Variants in SDAD1 observed in about 807,000 individuals in gnomAD.
SDAD1 encodes the protein protein SDA1 homolog.
In SDAD1, 79 loss-of-function variants were observed where a neutral mutation model predicts 100.3. The ratio of observed to expected loss-of-function variants is 0.79; its 90% CI spans 0.66 to 0.95. SDAD1 has a LOEUF of 0.95. Among genes scored for constraint, SDAD1 ranks in the 40% least tolerant of loss-of-function variants. The pLI, the probability that SDAD1 is intolerant of heterozygous loss-of-function variation, is 0.00. For missense variants in SDAD1, 790 were observed against 810.9 expected (o/e 0.97, Z 0.31); for synonymous variants, 267 against 271.4 (o/e 0.98, Z 0.16).
intron 4 of SDAD1, among the ~76,000 whole-genome samples, chr4:75,976,644 G>C (rs977615416): frequency 2.0e-5 from 3 of 152,120 alleles, no homozygotes; most frequent in Admixed American, 1.3e-4. Flanking sequence ...ATTGTTTGCA[G>C]TGATGGTTGT....
At chr4:75,966,131 T>C (rs1400802686) in intron 12 of SDAD1, among the ~76,000 whole-genome samples, 3 of 152,156 alleles carry the variant, frequency 2.0e-5, no homozygotes, top group Admixed American at 2.0e-4. Flanking sequence ...ATATTATATA[T>C]AGCACATCTA....
chr4:75,981,293 A>T (rs1231206444), intron 3 of SDAD1, 79 bp downstream of exon 3: 1 of 1,284,808 alleles, frequency 7.8e-7, no homozygotes, highest in Non-Finnish European at 1.1e-6. Context: ...ATTAGCTTAG[A>T]GGCTGTTCTC....
Position 75,973,395 on chromosome 4 carries a change from A to G in SDAD1, c.637-4T>C, listed in dbSNP as rs1283693868. 4.3e-6 allele frequency: 7 copies of G among 1,610,390 alleles called. No individual in the cohort carries two copies. The South Asian group carries it at 4.4e-5, about 10-fold the overall frequency. ...ATGTCAAAGCGGCAACTAATATCTA[A>G]ACACCAATGAGAAAAAAGTCAGCTA... On this transcript the variant is annotated splice_polypyrimidine_tract_variant and splice_region_variant and intron_variant, in intron 7 of 21. Transcript: ENST00000356260.
At chr4:75,980,060 TAAAG>T (rs1197124610) in intron 3 of SDAD1, among the ~76,000 whole-genome samples, 3 of 152,152 alleles carry the variant, frequency 2.0e-5, no homozygotes, top group Non-Finnish European at 2.9e-5. Context: ...AAATAAAACT[TAAAG>T]AAATCCTAAT....
intron 14 of SDAD1, among the ~76,000 whole-genome samples, chr4:75,962,228 T>C (rs1426949825): frequency 6.6e-6 from 1 of 152,264 alleles, no homozygotes; most frequent in East Asian, 1.9e-4. Flanking sequence ...GGACATGAAC[T>C]CATCCTTTTT....
chr4:75,967,492 T>C (rs777469752), intron 11 of SDAD1, among the ~76,000 whole-genome samples, 158 bp from the exon 12 acceptor site: 1 of 152,226 alleles, frequency 6.6e-6, no homozygotes, highest in African/African-American at 2.4e-5. Context: ...ATATGCTATA[T>C]TAACCAAGGC....
In SDAD1 at chr4:75,990,941, G is replaced by T. The variant is rs978794750; in HGVS notation, c.-100C>A. On this transcript the variant is annotated 5_prime_UTR_variant, in exon 1 of 22. Coordinates refer to ENST00000356260, the MANE Select transcript of SDAD1 (RefSeq NM_018115.4). ...GCTGCAGCTTGGACTCGTGTTTCCG[G>T]GTATGACCGGAAATAGCGCATGGGA... 5.6e-6 allele frequency: 8 copies of T among 1,426,700 alleles called. No individual in the cohort carries two copies. The Admixed American group carries it at 7.1e-5, about 13-fold the overall frequency. 88.4% of individuals were successfully genotyped at this position (1,426,700 alleles called of 1,614,324 possible).
chr4:75,952,659 G>A (rs1051389253), intron 21 of SDAD1, among the ~76,000 whole-genome samples: 4 of 152,126 alleles, frequency 2.6e-5, no homozygotes, highest in Non-Finnish European at 4.4e-5. Flanking sequence ...CTTTCTCACA[G>A]GGCCCTTGGG....
intron 10 of SDAD1, 71 bp from the exon 11 acceptor site, chr4:75,969,470 G>T: frequency 1.0e-6 from 1 of 991,340 alleles, no homozygotes; most frequent in Non-Finnish European, 1.6e-6. Context: ...AACAGGCGTA[G>T]GAAAAGACAA....
At chr4:75,981,348 T>C (rs766258798) in intron 3 of SDAD1, 24 bp downstream of exon 3, 19 of 1,609,844 alleles carry the variant, frequency 1.2e-5, no homozygotes, top group Non-Finnish European at 1.5e-5. Flanking sequence ...CAGCACAATT[T>C]ATTCATCCAA....
In SDAD1 at chr4:75,977,654, G is replaced by A. The variant is rs1305405201; in HGVS notation, c.397C>T (p.Leu133=). The stretch of plus-strand genomic sequence containing the variant: ...TTTGTTTTGCCCTTTACCTTTCGCA[G>A]AAGTTTATCATGGCAACGAAAAAGT... ...FELFRCHDKL[L]RKTLYTHIVT... The change falls in exon 4 of 22, where the codon CTG becomes TTG. Residue 133 remains leucine, a synonymous_variant. Coordinates refer to ENST00000356260, the MANE Select transcript of SDAD1 (RefSeq NM_018115.4). 1 of 1,602,092 alleles carries A rather than the reference G, an allele frequency of 6.2e-7. No individual in the cohort carries two copies. Among genetic ancestry groups the A allele is most frequent in the Non-Finnish European group, 8.5e-7 (1 of 1,170,150 alleles).
At chr4:75,967,923 G>A (rs1417342001) in intron 11 of SDAD1, among the ~76,000 whole-genome samples, 3 of 152,088 alleles carry the variant, frequency 2.0e-5, no homozygotes, top group Admixed American at 6.6e-5. Flanking sequence ...GGGTTATTAA[G>A]GAAATGGTAA....
intron 10 of SDAD1, among the ~76,000 whole-genome samples, chr4:75,970,056 T>G (rs891137653): frequency 2.6e-5 from 4 of 152,008 alleles, no homozygotes; most frequent in African/African-American, 9.7e-5. Flanking sequence ...TACAATGCCC[T>G]ATTACAATTG....
Position 75,974,122 on chromosome 4 carries a change from T to TTTGA in SDAD1, c.589_590insTCAA (p.Lys197IlefsTer14). 2 of 1,613,736 alleles carry TTTGA rather than the reference T, an allele frequency of 1.2e-6. No homozygotes were observed. The highest frequency in any genetic ancestry group is 1.7e-6 in the Non-Finnish European group (2 of 1,179,754). On this transcript the variant is annotated frameshift_variant, in exon 7 of 22. Transcript: ENST00000356260. LOFTEE classifies it high-confidence loss of function. The stretch of plus-strand genomic sequence containing the variant: ...TGCAGTTGTGATAACATTGACAGTT[T>TTTGA]TTGCATCATTCCTGGGGGAAGACAA...
Position 75,981,991 on chromosome 4 carries a change from T to G in SDAD1, c.137A>C (p.Lys46Thr). ...TTTGCTGGGTTTATTTGGTTGCAAT[T>G]TGAAAATCTCCACATTGGATTTGTA... ...NHYKSNVEIF[K>T]LQPNKPSKEL... is the part of the protein sequence containing the mutation. The change falls in exon 2 of 22, where the codon AAA (lysine) becomes ACA (threonine). Residue 46 changes from lysine to threonine, a missense_variant. By Grantham distance (78) the Lys-to-Thr change is moderately conservative. Coordinates refer to ENST00000356260, the MANE Select transcript of SDAD1 (RefSeq NM_018115.4). 1 of 1,612,640 alleles carries G rather than the reference T, an allele frequency of 6.2e-7. No individual in the cohort carries two copies.
chr4:75,969,981 A>G (rs1729771166), intron 10 of SDAD1, among the ~76,000 whole-genome samples: 1 of 147,966 alleles, frequency 6.8e-6, no homozygotes. Flanking sequence ...TGGTTTCCAC[A>G]GACTAGGTTT....
chr4:75,981,485 A>C lies in SDAD1; in HGVS notation c.196-15T>G, dbSNP rs1272351762. 6.2e-7 allele frequency: 1 copy of C among 1,613,546 alleles called. No homozygotes were observed. Among genetic ancestry groups the C allele is most frequent in the South Asian group, 1.1e-5 (1 of 91,064 alleles). Reference sequence around the variant, plus strand: ...CAGTGACTAATCTGTAACAAAGCAAAGGCTCTTCTGAAGTTGCTCTCTTTC... The same window carrying C: ...CAGTGACTAATCTGTAACAAAGCAACGGCTCTTCTGAAGTTGCTCTCTTTC... On this transcript the variant is annotated splice_polypyrimidine_tract_variant and intron_variant, in intron 2 of 21. Coordinates refer to ENST00000356260, the MANE Select transcript of SDAD1 (RefSeq NM_018115.4).
Position 75,970,311 on chromosome 4 carries a change from T to TG in SDAD1, c.880dup (p.Gln294ProfsTer12). ...ACTCGGACGTCATAATAACGTACCTTGGGGATCATGAATCAAGTGAATGGC... is the reference window on the plus strand; with the variant it reads ...ACTCGGACGTCATAATAACGTACCTTGGGGGATCATGAATCAAGTGAATGGC... On this transcript the variant is annotated frameshift_variant, in exon 10 of 22. Transcript: ENST00000356260. LOFTEE classifies it high-confidence loss of function. 6.2e-7 allele frequency: 1 copy of TG among 1,612,956 alleles called. No individual in the cohort carries two copies. Among genetic ancestry groups the TG allele is most frequent in the Non-Finnish European group, 8.5e-7 (1 of 1,178,990 alleles).
Position 75,956,212 on chromosome 4 carries a change from C to T in SDAD1, c.1855-76G>A, listed in dbSNP as rs1399833432. 3 of 1,475,016 alleles carry T rather than the reference C, an allele frequency of 2.0e-6. No homozygotes were observed. In the African/African-American group the frequency reaches 4.2e-5, roughly 21 times the overall value. 91.4% of individuals were successfully genotyped at this position (1,475,016 alleles called of 1,614,324 possible). A position where few individuals can be genotyped will look rare whatever the true frequency, so the allele number is the denominator to read the frequency against. On this transcript the variant is annotated intron_variant, in intron 20 of 21. Coordinates refer to ENST00000356260, the MANE Select transcript of SDAD1 (RefSeq NM_018115.4). ...GTCATCTAATCAACATTAATGTCTC[C>T]TCTGTGTCAGAAGCTCTACTAGGTG...
Sources: gnomAD v4.1 joint callset for allele counts (sites outside exome capture counted in the v4.1 genomes callset) on GRCh38, gnomAD v4.1.1 for gene constraint, MANE v1.5 for transcripts, NCBI Gene and HGNC (gene_info 2026-07-23, HGNC 2026-07-21) for gene names.